VWA5B1: variants seen among roughly 807,000 people sequenced by gnomAD.
VWA5B1 encodes the protein von Willebrand factor A domain-containing protein 5B1.
A neutral mutation model predicts 118.2 loss-of-function variants in VWA5B1; 115 were observed. That is an observed-to-expected ratio of 0.97 (90% CI 0.84 to 1.14). VWA5B1 has a LOEUF of 1.14. Ranked by LOEUF, VWA5B1 falls within the 50% of genes most tolerant of loss-of-function variation. The pLI is 0.00. For missense variants in VWA5B1, 1,596 were observed against 1,603.8 expected, an observed-to-expected ratio of 1.00 and a Z score of 0.08; for synonymous variants, 682 against 658.4, an observed-to-expected ratio of 1.04 and a Z score of -0.55.
chr1:20,313,055 C>G, intron 3 of VWA5B1, 67 bp downstream of exon 3: 1 of 1,521,090 alleles, frequency 6.6e-7, no homozygotes, highest in Non-Finnish European at 8.9e-7. Flanking sequence ...TGGGCTGGAG[C>G]CTCAGGCCAA....
At chr1:20,336,834 T>G (rs1341697821) in intron 13 of VWA5B1, among the ~76,000 whole-genome samples, 1 of 152,176 alleles carries the variant, frequency 6.6e-6, no homozygotes, top group Non-Finnish European at 1.5e-5. Flanking sequence ...CTTCCGGAGC[T>G]TTCCACATAG....
intron 5 of VWA5B1, 73 bp downstream of exon 5, chr1:20,317,748 G>A (rs2089066348): frequency 2.2e-6 from 3 of 1,380,282 alleles, no homozygotes; most frequent in African/African-American, 2.9e-5. Flanking sequence ...GATGGGACGG[G>A]GGTGGGAAGG....
chr1:20,327,768 C>G lies in VWA5B1; in HGVS notation c.1144-122C>G. On this transcript the variant is annotated intron_variant, in intron 8 of 21. Transcript: ENST00000289815. The stretch of plus-strand genomic sequence containing the variant: ...GGGAAAAGGAGTTGCTGGGTGCAGA[C>G]AGAGGAGGGTAAAGGTCTGTTTGGA... 4.8e-6 allele frequency: 4 copies of G among 839,324 alleles called. No homozygotes were observed. The South Asian group carries it at 6.3e-5, about 13-fold the overall frequency. The allele number at this position is 839,324 out of a possible 1,614,324, so 52.0% of individuals were successfully genotyped here.
At position 20,355,145 on chromosome 1, in the gene VWA5B1, T is replaced by G. The variant is rs1349218304; in HGVS notation, c.*882T>G. Among the ~76,000 whole-genome samples the G allele has an allele frequency of 6.6e-6, 1 of 152,204 alleles. No individual in the cohort carries two copies. The highest frequency in any genetic ancestry group is 1.5e-5 in the Non-Finnish European group (1 of 68,030). ...TGGGTAAAGCGAACTGCATCACTTGTACTGAGGCACGAGGGAGCCACCACC... is the reference window on the plus strand; with the variant it reads ...TGGGTAAAGCGAACTGCATCACTTGGACTGAGGCACGAGGGAGCCACCACC... On this transcript the variant is annotated 3_prime_UTR_variant, in exon 22 of 22. Transcript: ENST00000289815.
rs2090269096 is a variant in VWA5B1, at chr1:20,358,537, G to C, written c.*4274G>C. Among the ~76,000 whole-genome samples, 1 of 152,072 alleles carries C rather than the reference G, an allele frequency of 6.6e-6. No homozygotes were observed. The highest frequency in any genetic ancestry group is 2.1e-4 in the South Asian group (1 of 4,822). ...CCATTGACCTGCCTGGCTGGATCCT[G>C]TGTGACACCCCAGCACCTATCATTC... On this transcript the variant is annotated 3_prime_UTR_variant, in exon 22 of 22. Coordinates refer to ENST00000289815, the MANE Select transcript of VWA5B1 (RefSeq NM_001039500.3).
At chr1:20,349,285 T>G (rs776807772) in intron 18 of VWA5B1, 1 of 373,894 alleles carries the variant, frequency 2.7e-6, no homozygotes, top group South Asian at 2.1e-5. Context: ...CTTCCAGTCT[T>G]CAGGAAATTG....
At chr1:20,318,346 C>T (rs903265859) in intron 5 of VWA5B1, 2 of 572,664 alleles carry the variant, frequency 3.5e-6, no homozygotes, top group Non-Finnish European at 6.3e-6. Context: ...GAATGCAACT[C>T]CTCCGACCCC....
At chr1:20,310,875 G>A in intron 2 of VWA5B1, 135 bp downstream of exon 2, 1 of 1,282,990 alleles carries the variant, frequency 7.8e-7, no homozygotes, top group Non-Finnish European at 1.0e-6. Flanking sequence ...CTATAAAATG[G>A]TGAGATTCTT....
chr1:20,321,137 A>G (rs56394830), intron 7 of VWA5B1, among the ~76,000 whole-genome samples: 2,444 of 148,286 alleles, frequency 0.016, 83 homozygotes, highest in African/African-American at 0.058. Flanking sequence ...AAACACGAAA[A>G]GATGCACACA....
chr1:20,348,184 G>A, intron 17 of VWA5B1, 61 bp from the exon 18 acceptor site: 2 of 1,447,338 alleles, frequency 1.4e-6, no homozygotes, highest in South Asian at 1.2e-5. Flanking sequence ...AGCTCTGGGG[G>A]AAAGGCAAAG....
rs1394473481 is a variant in VWA5B1 at position 20,353,815 on chromosome 1, C to T, written c.3200C>T (p.Thr1067Met). Reference sequence around the variant, plus strand: ...CTCAACGAAGCCTTCTGTGAGGCCACGCACATCCCCATGGAGAAGCTCAAG... The same window carrying T: ...CTCAACGAAGCCTTCTGTGAGGCCATGCACATCCCCATGGAGAAGCTCAAG... ...FLLNEAFCEA[T>M]HIPMEKLKWT... The change falls in exon 22 of 22, where the codon ACG becomes ATG. Residue 1067 changes from threonine (T) to methionine (M), a missense_variant. Coordinates refer to ENST00000289815, the MANE Select transcript of VWA5B1 (RefSeq NM_001039500.3). 1.6e-5 allele frequency: 24 copies of T among 1,499,614 alleles called. No individual in the cohort carries two copies. Among genetic ancestry groups the T allele is most frequent in the East Asian group, 9.9e-5 (4 of 40,568 alleles). 92.9% of individuals were successfully genotyped at this position (1,499,614 alleles called of 1,614,324 possible).
At chr1:20,314,110 G>A (rs1354567074) in intron 3 of VWA5B1, among the ~76,000 whole-genome samples, 2 of 152,154 alleles carry the variant, frequency 1.3e-5, no homozygotes, top group Non-Finnish European at 1.5e-5. Flanking sequence ...TCCACTCCCA[G>A]CAAGGTAGAG....
At chr1:20,317,201 A>G (rs994681151) in intron 4 of VWA5B1, among the ~76,000 whole-genome samples, 1 of 150,102 alleles carries the variant, frequency 6.7e-6, no homozygotes, top group Non-Finnish European at 1.5e-5. Flanking sequence ...TGTGCCAGTT[A>G]CCTCACCACA....
intron 1 of VWA5B1, among the ~76,000 whole-genome samples, chr1:20,296,025 G>A (rs748234655): frequency 3.3e-5 from 5 of 152,228 alleles, no homozygotes; most frequent in Admixed American, 6.5e-5. Context: ...ACCAAGCCTG[G>A]CTAATTTTTT....
At chr1:20,335,387 G>C (rs2089684023) in intron 12 of VWA5B1, among the ~76,000 whole-genome samples, 1 of 152,162 alleles carries the variant, frequency 6.6e-6, no homozygotes, top group Non-Finnish European at 1.5e-5. Context: ...TCAAGATACT[G>C]ATAAGTGTGA....
chr1:20,353,705 C>A, intron 21 of VWA5B1, 52 bp from the exon 22 acceptor site: 1 of 1,441,778 alleles, frequency 6.9e-7, no homozygotes, highest in South Asian at 1.5e-5. Context: ...TGGCCTATGG[C>A]TCCCTGGGCT....
chr1:20,319,392 G>A lies in VWA5B1; in HGVS notation c.852G>A (p.Met284Ile), dbSNP rs1377922766. Reference protein sequence around the residue: ...EILIHPSEPHMPHVLIEKGDM... With the variant: ...EILIHPSEPHIPHVLIEKGDM... ...ATCTCATCTCTGCAGAGCCCCATAT[G>A]CCCCATGTCCTGATAGAGAAAGGGG... is the stretch of plus-strand genomic sequence containing the variant. Residue 284 changes from methionine to isoleucine, a missense_variant, in exon 7 of 22, where the codon ATG becomes ATA. Coordinates refer to ENST00000289815, the MANE Select transcript of VWA5B1 (RefSeq NM_001039500.3). 1.3e-6 allele frequency: 2 copies of A among 1,551,622 alleles called. No individual in the cohort carries two copies. Among genetic ancestry groups the A allele is most frequent in the African/African-American group, 1.4e-5 (1 of 73,058 alleles).
At chr1:20,353,608 G>T in intron 21 of VWA5B1, 149 bp from the exon 22 acceptor site, 1 of 1,024,158 alleles carries the variant, frequency 9.8e-7, no homozygotes, top group Non-Finnish European at 1.4e-6. Flanking sequence ...GCAGGATAAA[G>T]GATAGAGATG....
chr1:20,308,413 G>T (rs1398536381), intron 1 of VWA5B1, among the ~76,000 whole-genome samples: 1 of 152,196 alleles, frequency 6.6e-6, no homozygotes, highest in Non-Finnish European at 1.5e-5. Context: ...GCATGTCTGG[G>T]TGCTGGCTCC....
Sources: gnomAD v4.1 joint callset for allele counts (sites outside exome capture counted in the v4.1 genomes callset) on GRCh38, gnomAD v4.1.1 for gene constraint, MANE v1.5 for transcripts, NCBI Gene and HGNC (gene_info 2026-07-23, HGNC 2026-07-21) for gene names.